KCNT2: variants seen among roughly 807,000 people sequenced by gnomAD.
KCNT2 encodes the protein potassium sodium-activated channel subfamily T member 2.
Under a neutral mutation model 153.8 loss-of-function variants are expected in KCNT2, and 67 were observed. The observed-to-expected ratio is 0.44, with a 90% CI of 0.36 to 0.53. The LOEUF (loss-of-function observed/expected upper bound fraction) is 0.53, where lower values mean the gene tolerates loss of function less well. KCNT2 is among the 20% of genes least tolerant of loss of function. KCNT2 has a pLI of 0.00. For synonymous variants in KCNT2, 500 were observed against 458.8 expected, an observed-to-expected ratio of 1.09 and a Z score of -1.15; for missense variants, 975 against 1,354.8, an observed-to-expected ratio of 0.72 and a Z score of 4.40.
chr1:196,384,144 C>A (rs926379577), intron 13 of KCNT2, among the ~76,000 whole-genome samples: 2 of 151,928 alleles, frequency 1.3e-5, no homozygotes, highest in African/African-American at 4.8e-5. Flanking sequence ...CATTGTACAC[C>A]TTAAATTTAT....
chr1:196,325,053 G>A (rs74426634), intron 19 of KCNT2, among the ~76,000 whole-genome samples: 5 of 152,060 alleles, frequency 3.3e-5, no homozygotes, highest in Non-Finnish European at 7.4e-5. Context: ...TTGAAATAAG[G>A]TTACCTAGCA....
chr1:196,284,447 A>T (rs890918972), intron 23 of KCNT2, among the ~76,000 whole-genome samples: 1 of 150,568 alleles, frequency 6.6e-6, no homozygotes, highest in African/African-American at 2.4e-5. Flanking sequence ...CTTATACATG[A>T]GATTTCCTTA....
intron 22 of KCNT2, among the ~76,000 whole-genome samples, chr1:196,290,952 A>T (rs900591174): frequency 2.6e-5 from 4 of 152,120 alleles, no homozygotes; most frequent in African/African-American, 4.8e-5. Flanking sequence ...CATTCACTGC[A>T]TCAAAAACTC....
At chr1:196,382,681 T>C (rs894728573) in intron 13 of KCNT2, among the ~76,000 whole-genome samples, 2 of 152,122 alleles carry the variant, frequency 1.3e-5, no homozygotes, top group Non-Finnish European at 2.9e-5. Flanking sequence ...TGAACATAAA[T>C]TAACATTTGG....
intron 1 of KCNT2, among the ~76,000 whole-genome samples, chr1:196,509,447 C>T (rs1370690741): frequency 6.6e-6 from 1 of 151,930 alleles, no homozygotes; most frequent in Admixed American, 6.6e-5. Flanking sequence ...ATCTTAGTTA[C>T]CTAACGTTGA....
At chr1:196,312,254 C>T (rs924998336) in intron 21 of KCNT2, among the ~76,000 whole-genome samples, 1 of 151,424 alleles carries the variant, frequency 6.6e-6, no homozygotes, top group Admixed American at 6.6e-5. Context: ...CAGCCAATTG[C>T]TTAGGATTCA....
chr1:196,275,511 T>C (rs17696917), intron 25 of KCNT2, among the ~76,000 whole-genome samples: 2,399 of 152,002 alleles, frequency 0.016, 23 homozygotes, highest in South Asian at 0.043. Context: ...TGATTATCAA[T>C]GTTCTTTACC....
intron 8 of KCNT2, among the ~76,000 whole-genome samples, chr1:196,464,028 C>T (rs1031091333): frequency 6.6e-6 from 1 of 151,692 alleles, no homozygotes; most frequent in Non-Finnish European, 1.5e-5. Context: ...TTGTAATTTT[C>T]CAACAATTGA....
chr1:196,263,057 T>C (rs572671004), intron 25 of KCNT2, among the ~76,000 whole-genome samples: 7 of 152,250 alleles, frequency 4.6e-5, no homozygotes, highest in Non-Finnish European at 8.8e-5. Flanking sequence ...TTAAAGCCAA[T>C]AATTTGATGG....
chr1:196,270,151 A>T (rs142924148), intron 25 of KCNT2, among the ~76,000 whole-genome samples: 53 of 152,094 alleles, frequency 3.5e-4, no homozygotes, highest in Non-Finnish European at 6.6e-4. Flanking sequence ...TATTATTAGC[A>T]CCAAAATTAT....
At chr1:196,480,713 G>A (rs184879569) in intron 4 of KCNT2, among the ~76,000 whole-genome samples, 57 of 151,728 alleles carry the variant, frequency 3.8e-4, no homozygotes, top group African/African-American at 1.3e-3. Context: ...AAAAGTAGCC[G>A]GGCGTGGTGG....
chr1:196,449,590 C>T (rs1320100378), intron 8 of KCNT2, among the ~76,000 whole-genome samples: 2 of 151,554 alleles, frequency 1.3e-5, no homozygotes, highest in Admixed American at 1.3e-4. Flanking sequence ...TATCTCAACA[C>T]ACTCTGAATC....
At chr1:196,526,102 CCTGA>C (rs1654160922) in intron 1 of KCNT2, among the ~76,000 whole-genome samples, 1 of 145,612 alleles carries the variant, frequency 6.9e-6, no homozygotes, top group South Asian at 2.2e-4. Flanking sequence ...AGACACAGTC[CCTGA>C]CTTTGTGTTA....
intron 1 of KCNT2, among the ~76,000 whole-genome samples, chr1:196,498,498 A>T (rs1206995325): frequency 1.3e-5 from 2 of 152,130 alleles, no homozygotes; most frequent in South Asian, 2.1e-4. Context: ...TACTGTACTC[A>T]TCTCAAACAA....
At chr1:196,349,594 A>G (rs1666445275) in intron 14 of KCNT2, among the ~76,000 whole-genome samples, 1 of 152,134 alleles carries the variant, frequency 6.6e-6, no homozygotes. Context: ...TCCTAGCGGT[A>G]CACCCTATAG....
chr1:196,234,663 A>G (rs2102230915), intron 27 of KCNT2, among the ~76,000 whole-genome samples: 1 of 151,508 alleles, frequency 6.6e-6, no homozygotes, highest in Middle Eastern at 3.4e-3. Flanking sequence ...CACAAAACTG[A>G]CAACATATAA....
intron 8 of KCNT2, among the ~76,000 whole-genome samples, chr1:196,448,614 C>T (rs1042139712): frequency 6.6e-6 from 1 of 151,362 alleles, no homozygotes; most frequent in African/African-American, 2.4e-5. Context: ...ATAGTTTTTT[C>T]TGTTTCTGTT....
At chr1:196,399,247 T>C (rs1007644764) in intron 12 of KCNT2, among the ~76,000 whole-genome samples, 1 of 151,568 alleles carries the variant, frequency 6.6e-6, no homozygotes, top group African/African-American at 2.4e-5. Flanking sequence ...CACGAACTCC[T>C]TTACATAGTA....
intron 12 of KCNT2, among the ~76,000 whole-genome samples, chr1:196,409,848 T>C (rs903313678): frequency 6.6e-6 from 1 of 151,716 alleles, no homozygotes; most frequent in African/African-American, 2.4e-5. Flanking sequence ...GGCAATTCTA[T>C]TTTAGGTTTT....
Sources: gnomAD v4.1 joint callset for allele counts (sites outside exome capture counted in the v4.1 genomes callset) on GRCh38, gnomAD v4.1.1 for gene constraint, MANE v1.5 for transcripts, NCBI Gene and HGNC (gene_info 2026-07-23, HGNC 2026-07-21) for gene names.